FBXO3: variants seen among roughly 807,000 people sequenced by gnomAD.
FBXO3 encodes F-box protein 3, also known as F-box only protein 3.
A neutral mutation model predicts 64.8 loss-of-function variants in FBXO3; 17 were observed. The ratio of observed to expected loss-of-function variants is 0.26; its 90% confidence interval spans 0.18 to 0.39. The LOEUF is 0.39. Ranked by LOEUF, FBXO3 falls within the 10% of genes least tolerant of loss-of-function variation. The pLI, the probability that FBXO3 is intolerant of heterozygous loss-of-function variation, is 1.00. For synonymous variants in FBXO3, 182 were observed against 201.6 expected (o/e 0.90, Z 0.82); for missense variants, 420 against 589.9 (o/e 0.71, Z 2.98).
At chr11:33,744,382 TA>T (rs1590559520) in intron 10 of FBXO3, 1 of 151,704 alleles carries the variant, frequency 6.6e-6, no homozygotes, top group East Asian at 1.9e-4. Context: ...CTGGAGCCTC[TA>T]AAAGTGCCCC....
intron 1 of FBXO3, chr11:33,773,888 G>A (rs956463602): frequency 1.3e-5 from 2 of 153,348 alleles, no homozygotes; most frequent in African/African-American, 4.8e-5. Flanking sequence ...CGATTCTGGC[G>A]CTGGGGAAGT....
At chr11:33,773,355 T>A (rs1193944290) in intron 1 of FBXO3, 1 of 152,260 alleles carries the variant, frequency 6.6e-6, no homozygotes, top group African/African-American at 2.4e-5. Flanking sequence ...TATCTCTCTA[T>A]CACCACTTAG....
At chr11:33,753,205 T>G (rs549435280) in intron 6 of FBXO3, 2 of 152,240 alleles carry the variant, frequency 1.3e-5, no homozygotes, top group African/African-American at 4.8e-5. Flanking sequence ...CCTTCCTCCC[T>G]GCATTAACTT....
chr11:33,744,293 A>G (rs11547293), intron 10 of FBXO3: 3,681 of 152,308 alleles, frequency 0.024, 67 homozygotes, highest in Non-Finnish European at 0.039. Context: ...CTAAGGAGAA[A>G]GATTGCTCAG....
At chr11:33,763,184 C>CA in intron 3 of FBXO3, 1 of 374,678 alleles carries the variant, frequency 2.7e-6, no homozygotes, top group South Asian at 2.1e-5. Flanking sequence ...ATCATTTAAG[C>CA]AAAAAATAAG....
chr11:33,742,974 C>T (rs191712834), intron 10 of FBXO3: 2 of 152,240 alleles, frequency 1.3e-5, no homozygotes, highest in East Asian at 1.9e-4. Flanking sequence ...GTCTGGTACC[C>T]GCGCAGGATG....
intron 10 of FBXO3, chr11:33,746,576 A>T: frequency 1.5e-6 from 1 of 675,410 alleles, no homozygotes; most frequent in Non-Finnish European, 2.7e-6. Context: ...CCCATTGTAT[A>T]ACTGGAGCTT....
At chr11:33,769,440 C>T (rs931426394) in intron 2 of FBXO3, among the ~76,000 whole-genome samples, 1 of 152,020 alleles carries the variant, frequency 6.6e-6, no homozygotes, top group African/African-American at 2.4e-5. Flanking sequence ...AATCATAGAA[C>T]ATGAAAGTAA....
chr11:33,746,950 T>C, intron 10 of FBXO3, 180 bp downstream of exon 10: 1 of 1,455,958 alleles, frequency 6.9e-7, no homozygotes, highest in Admixed American at 3.0e-5. Context: ...GGTTAGAGAC[T>C]ATGGAGCCTC....
chr11:33,747,385 G>A, intron 9 of FBXO3, 65 bp from the exon 10 acceptor site: 1 of 1,303,024 alleles, frequency 7.7e-7, no homozygotes, highest in Admixed American at 2.0e-5. Flanking sequence ...AATAAATAAG[G>A]TATGGTCTCC....
In FBXO3 at chr11:33,741,194, A is replaced by C. The variant is rs1049365989; in HGVS notation, c.*714T>G. The C allele has an allele frequency of 6.5e-6, 1 of 152,700 alleles. No homozygotes were observed. The highest frequency in any genetic ancestry group is 2.4e-5 in the African/African-American group (1 of 41,470). 9.5% of individuals were successfully genotyped at this position (152,700 alleles called of 1,614,324 possible). ...CTTTTGTTAATAAACAGCACGTTAC[A>C]TACTTTTACATACTACATTTCAAAA... On this transcript the variant is annotated 3_prime_UTR_variant, in exon 11 of 11. Transcript: ENST00000265651.
At position 33,741,212 on chromosome 11, in the gene FBXO3, T is replaced by C. The variant is rs949211219; in HGVS notation, c.*696A>G. ...ACGTTACATACTTTTACATACTACA[T>C]TTCAAAAATGCATCTGTGAATAATA... On this transcript the variant is annotated 3_prime_UTR_variant, in exon 11 of 11. Coordinates refer to ENST00000265651, the MANE Select transcript of FBXO3 (RefSeq NM_012175.4). 1 of 152,670 alleles carries C rather than the reference T, an allele frequency of 6.6e-6. No homozygotes were observed. Among genetic ancestry groups the C allele is most frequent in the African/African-American group, 2.4e-5 (1 of 41,462 alleles). The allele number at this position is 152,670 out of a possible 1,614,324, so 9.5% of individuals were successfully genotyped here.
chr11:33,765,394 G>A (rs1349327758), intron 3 of FBXO3, among the ~76,000 whole-genome samples: 1 of 152,154 alleles, frequency 6.6e-6, no homozygotes, highest in Non-Finnish European at 1.5e-5. Context: ...ATATTTATAT[G>A]GTATGTGCCA....
intron 3 of FBXO3, chr11:33,763,230 A>G (rs1855285497): frequency 2.3e-6 from 1 of 437,556 alleles, no homozygotes; most frequent in African/African-American, 2.0e-5. Context: ...GGAACAGAAA[A>G]AGAGGCAACA....
chr11:33,768,060 TTTAG>T (rs1411277765), intron 3 of FBXO3, among the ~76,000 whole-genome samples: 15 of 152,328 alleles, frequency 9.8e-5, no homozygotes, highest in Non-Finnish European at 1.6e-4. Context: ...CAAAAGAGTC[TTTAG>T]TTCTAAAGGG....
chr11:33,754,411 C>A, intron 6 of FBXO3, 44 bp downstream of exon 6: 1 of 1,488,558 alleles, frequency 6.7e-7, no homozygotes, highest in Non-Finnish European at 9.1e-7. Context: ...TTATTATATC[C>A]AGGAAGAAGA....
At chr11:33,767,221 T>C (rs1590585608) in intron 3 of FBXO3, among the ~76,000 whole-genome samples, 3 of 152,330 alleles carry the variant, frequency 2.0e-5, no homozygotes, top group African/African-American at 4.8e-5. Context: ...GTTAAGATCA[T>C]AGCCCTGGAG....
At chr11:33,763,920 C>T (rs1187881388) in intron 3 of FBXO3, among the ~76,000 whole-genome samples, 2 of 152,236 alleles carry the variant, frequency 1.3e-5, no homozygotes, top group East Asian at 1.9e-4. Context: ...AGAATGACAA[C>T]ATTAAAGTGC....
chr11:33,755,679 C>T, intron 5 of FBXO3, 92 bp downstream of exon 5: 2 of 905,258 alleles, frequency 2.2e-6, no homozygotes, highest in Non-Finnish European at 3.7e-6. Context: ...TATTCTATAC[C>T]CATTCTACAA....
Sources: gnomAD v4.1 joint callset for allele counts (sites outside exome capture counted in the v4.1 genomes callset) on GRCh38, gnomAD v4.1.1 for gene constraint, MANE v1.5 for transcripts, NCBI Gene and HGNC (gene_info 2026-07-23, HGNC 2026-07-21) for gene names.